WWOX: variants seen among roughly 807,000 people sequenced by gnomAD.
WWOX encodes WW domain-containing oxidoreductase.
WWOX carries 69 observed loss-of-function variants against 46.2 expected under a neutral mutation model. The ratio of observed to expected loss-of-function variants is 1.49; its 90% CI spans 1.23 to 1.82. The LOEUF is 1.82. WWOX is among the 40% of genes most tolerant of loss of function. The pLI is 0.00. For synonymous variants in WWOX, 359 were observed against 202.6 expected (o/e 1.77, Z -6.56); for missense variants, 919 against 542.6 (o/e 1.69, Z -6.89).
At chr16:78,396,569 C>T (rs1464635959) in intron 6 of WWOX, among the ~76,000 whole-genome samples, 2 of 152,204 alleles carry the variant, frequency 1.3e-5, no homozygotes, top group South Asian at 2.1e-4. Context: ...TCTTTTCCCA[C>T]TCCTCACAAT....
At chr16:78,265,577 C>A (rs897358130) in intron 5 of WWOX, among the ~76,000 whole-genome samples, 28 of 151,438 alleles carry the variant, frequency 1.8e-4, no homozygotes, top group Non-Finnish European at 3.4e-4. Flanking sequence ...ACTTGGGAGG[C>A]TGAGGCAGGA....
chr16:78,636,863 G>A (rs879546487), intron 8 of WWOX, among the ~76,000 whole-genome samples: 10 of 152,128 alleles, frequency 6.6e-5, no homozygotes, highest in Admixed American at 4.6e-4. Flanking sequence ...GCCCTGAGCT[G>A]CATCATTTAA....
intron 8 of WWOX, among the ~76,000 whole-genome samples, chr16:79,073,254 A>G (rs1309466479): frequency 6.6e-6 from 1 of 151,690 alleles, no homozygotes; most frequent in Admixed American, 6.6e-5. Context: ...ATCGCAGCTC[A>G]CTGCGACCTC....
chr16:78,624,963 C>G (rs1388966362), intron 8 of WWOX, among the ~76,000 whole-genome samples: 1 of 152,156 alleles, frequency 6.6e-6, no homozygotes, highest in South Asian at 2.1e-4. Context: ...TCATGGCCCC[C>G]TTCATATCCT....
chr16:78,502,273 C>A (rs2085089015), intron 8 of WWOX, among the ~76,000 whole-genome samples: 1 of 152,152 alleles, frequency 6.6e-6, no homozygotes, highest in Non-Finnish European at 1.5e-5. Flanking sequence ...TTGCATCCAC[C>A]ATCACAATCA....
At chr16:78,918,315 C>G (rs1035902406) in intron 8 of WWOX, among the ~76,000 whole-genome samples, 4 of 152,338 alleles carry the variant, frequency 2.6e-5, no homozygotes, top group Middle Eastern at 3.4e-3. Context: ...GAGGCATCTT[C>G]TATACATTTC....
At chr16:78,631,825 C>T (rs1180035595) in intron 8 of WWOX, among the ~76,000 whole-genome samples, 2 of 152,150 alleles carry the variant, frequency 1.3e-5, no homozygotes, top group East Asian at 3.9e-4. Context: ...CATACCCAGC[C>T]AAAATATTCT....
intron 8 of WWOX, among the ~76,000 whole-genome samples, chr16:78,807,144 C>T (rs1279602531): frequency 6.6e-6 from 1 of 152,206 alleles, no homozygotes; most frequent in African/African-American, 2.4e-5. Context: ...TTGGAATCTG[C>T]ACATTATGGC....
intron 4 of WWOX, among the ~76,000 whole-genome samples, chr16:78,133,950 C>T (rs961605802): frequency 6.6e-6 from 1 of 152,176 alleles, no homozygotes; most frequent in African/African-American, 2.4e-5. Flanking sequence ...TGCCTTCCAT[C>T]TTCTTAAGAG....
chr16:78,896,950 A>G (rs2044714232), intron 8 of WWOX: 1 of 152,090 alleles, frequency 6.6e-6, no homozygotes, highest in Non-Finnish European at 1.5e-5. Flanking sequence ...TTCCAGGGCC[A>G]GGTTCAGTGG....
At chr16:78,831,183 T>G (rs2051812265) in intron 8 of WWOX, among the ~76,000 whole-genome samples, 1 of 152,192 alleles carries the variant, frequency 6.6e-6, no homozygotes, top group African/African-American at 2.4e-5. Context: ...AGACCCTGGC[T>G]GTCTGAGCAC....
intron 8 of WWOX, among the ~76,000 whole-genome samples, chr16:78,522,888 A>G (rs2043380311): frequency 1.3e-5 from 2 of 152,342 alleles, no homozygotes; most frequent in East Asian, 1.9e-4. Flanking sequence ...CCTGGCCAAC[A>G]TGGTAAAATC....
In WWOX at chr16:78,296,114, C is replaced by T. The variant is rs141426067; in HGVS notation, c.517-90746C>T. Among the ~76,000 whole-genome samples the T allele has an allele frequency of 2.8e-3, 421 of 152,270 alleles. 1 individual carries two copies. The highest frequency in any genetic ancestry group is 0.01 in the Middle Eastern group (3 of 294). On this transcript the variant is annotated intron_variant, in intron 5 of 8. Transcript: ENST00000566780. ...AAACTAGCTCTTCGAAGTGGGAAAA[C>T]CAAAAGTTTTATTGAAGCAATTTGT... is the stretch of plus-strand genomic sequence containing the variant.
intron 8 of WWOX, among the ~76,000 whole-genome samples, chr16:78,639,409 C>A (rs554149951): frequency 5.3e-5 from 8 of 152,252 alleles, no homozygotes; most frequent in African/African-American, 1.9e-4. Flanking sequence ...TCTCACTTTG[C>A]AGATGAGGAA....
At chr16:78,611,778 G>T (rs1334425884) in intron 8 of WWOX, among the ~76,000 whole-genome samples, 2 of 152,196 alleles carry the variant, frequency 1.3e-5, no homozygotes, top group East Asian at 1.9e-4. Context: ...TCCAGTATCA[G>T]CTTCAGTCAA....
chr16:79,117,016 G>C (rs188961154), intron 8 of WWOX, among the ~76,000 whole-genome samples: 1 of 151,804 alleles, frequency 6.6e-6, no homozygotes, highest in African/African-American at 2.4e-5. Flanking sequence ...TCTTAGGTAC[G>C]AGGTACATTG....
chr16:78,171,567 C>G (rs7206730), intron 5 of WWOX, among the ~76,000 whole-genome samples: 3 of 151,962 alleles, frequency 2.0e-5, no homozygotes, highest in Admixed American at 6.6e-5. Context: ...CATTCGTCAA[C>G]GCATCACAAG....
chr16:78,351,081 A>G (rs549588229), intron 5 of WWOX, among the ~76,000 whole-genome samples: 3 of 151,972 alleles, frequency 2.0e-5, no homozygotes, highest in African/African-American at 7.2e-5. Context: ...TGATTATTGG[A>G]TGGATGATTT....
chr16:79,032,990 G>A (rs2047794979), intron 8 of WWOX, among the ~76,000 whole-genome samples: 1 of 151,332 alleles, frequency 6.6e-6, no homozygotes, highest in Non-Finnish European at 1.5e-5. Context: ...TCATCATTTA[G>A]TTCCCACTTA....
Sources: allele counts gnomAD v4.1 joint callset (sites outside exome capture counted in the v4.1 genomes callset), GRCh38; gene constraint gnomAD v4.1.1; transcripts MANE v1.5; gene names NCBI Gene and HGNC (gene_info 2026-07-23, HGNC 2026-07-21).